The following TBX5 variants were observed in gnomAD, a reference collection of about 807,000 sequenced individuals.
The protein encoded by TBX5 is T-box transcription factor 5.
A neutral mutation model predicts 51.1 loss-of-function variants in TBX5; 8 were observed. The ratio of observed to expected loss-of-function variants is 0.16; its 90% confidence interval spans 0.09 to 0.28. The LOEUF is 0.28. TBX5 is among the 10% of genes least tolerant of loss of function. The pLI, the probability that TBX5 is intolerant of heterozygous loss-of-function variation, is 1.00. For synonymous variants in TBX5, 302 were observed against 266.4 expected, an observed-to-expected ratio of 1.13 and a Z score of -1.30; for missense variants, 589 against 671.7, an observed-to-expected ratio of 0.88 and a Z score of 1.36.
At chr12:114,360,909 A>T (rs930798137) in intron 8 of TBX5, among the ~76,000 whole-genome samples, 1 of 152,216 alleles carries the variant, frequency 6.6e-6, no homozygotes, top group African/African-American at 2.4e-5. Flanking sequence ...AGAAATCAAA[A>T]GACTCAGTTT....
intron 7 of TBX5, among the ~76,000 whole-genome samples, chr12:114,370,597 A>G (rs1218935481): frequency 6.6e-6 from 1 of 151,888 alleles, no homozygotes; most frequent in East Asian, 1.9e-4. Context: ...CAGTGTCCTC[A>G]CATGCCAGGC....
intron 7 of TBX5, among the ~76,000 whole-genome samples, chr12:114,373,350 T>C (rs1870019914): frequency 6.6e-6 from 1 of 152,204 alleles, no homozygotes; most frequent in Non-Finnish European, 1.5e-5. Context: ...ACAGGGCAGG[T>C]GTGGATTCTG....
At chr12:114,397,779 A>G (rs915697625) in intron 5 of TBX5, among the ~76,000 whole-genome samples, 1 of 145,120 alleles carries the variant, frequency 6.9e-6, no homozygotes, top group African/African-American at 2.9e-5. Context: ...TGGTTGTTGG[A>G]AAAAAAACAG....
chr12:114,382,627 G>A (rs904829985), intron 7 of TBX5, among the ~76,000 whole-genome samples: 3 of 152,000 alleles, frequency 2.0e-5, no homozygotes, highest in East Asian at 3.9e-4. Flanking sequence ...GGTGAACTCC[G>A]TCTCTACTAA....
At chr12:114,388,640 C>T (rs1014945973) in intron 6 of TBX5, among the ~76,000 whole-genome samples, 4 of 151,038 alleles carry the variant, frequency 2.6e-5, no homozygotes. Context: ...ACTATTCCTA[C>T]CCTAAAGTTT....
At chr12:114,380,848 A>AT (rs1870466910) in intron 7 of TBX5, among the ~76,000 whole-genome samples, 1 of 93,136 alleles carries the variant, frequency 1.1e-5, no homozygotes, top group South Asian at 4.1e-4. Context: ...AATAGTTTTT[A>AT]TTAAAAAAAA....
intron 8 of TBX5, among the ~76,000 whole-genome samples, chr12:114,357,510 A>G (rs1404787181): frequency 2.0e-5 from 3 of 152,202 alleles, no homozygotes; most frequent in African/African-American, 7.2e-5. Context: ...GAGACTCATC[A>G]TCATCTCTGA....
chr12:114,372,409 G>T (rs1419361349), intron 7 of TBX5, among the ~76,000 whole-genome samples: 2 of 151,952 alleles, frequency 1.3e-5, no homozygotes, highest in Non-Finnish European at 2.9e-5. Flanking sequence ...GGCTCAAGGG[G>T]TCCTCCTGCT....
chr12:114,356,985 T>G (rs994758112), intron 8 of TBX5, among the ~76,000 whole-genome samples: 7 of 139,110 alleles, frequency 5.0e-5, no homozygotes, highest in Non-Finnish European at 9.3e-5. Context: ...CAATAAATAT[T>G]TGTACGATGG....
chr12:114,402,971 A>G (rs899533138), intron 2 of TBX5, among the ~76,000 whole-genome samples: 2 of 152,212 alleles, frequency 1.3e-5, no homozygotes, highest in Non-Finnish European at 2.9e-5. Context: ...AGCCATGTGT[A>G]AGTGTCTCTT....
rs118190621 is a variant in TBX5 at position 114,362,491 on chromosome 12, G to A, written c.982+3674C>T. Among the ~76,000 whole-genome samples, 508 of 152,070 alleles carry A rather than the reference G, an allele frequency of 3.3e-3. 1 individual carries two copies. The highest frequency in any genetic ancestry group is 0.01 in the Middle Eastern group (3 of 292). ...CCCTCAGCCAAGGGGCTTCATGCAT[G>A]CTTTCCTCTATGTGTGGATACCCTC... On this transcript the variant is annotated intron_variant, in intron 8 of 8. Coordinates refer to ENST00000405440, the MANE Select transcript of TBX5 (RefSeq NM_181486.4).
chr12:114,371,888 G>C (rs80343969), intron 7 of TBX5, among the ~76,000 whole-genome samples: 2,364 of 152,086 alleles, frequency 0.016, 51 homozygotes, highest in African/African-American at 0.054. Flanking sequence ...GCTGGATTTC[G>C]CCTAGTGCAA....
At chr12:114,389,753 CAAAAAAAAAAAAAAAAAAAA>C (rs55649814) in intron 6 of TBX5, among the ~76,000 whole-genome samples, 3 of 40,274 alleles carry the variant, frequency 7.4e-5, no homozygotes, top group Admixed American at 3.9e-4. Context: ...GACTCCGTCT[CAAAAAAAAAAAAAAAAAAAA>C]AAAAAAAAAA....
chr12:114,403,114 C>A (rs1373140189), intron 2 of TBX5, among the ~76,000 whole-genome samples: 1 of 152,270 alleles, frequency 6.6e-6, no homozygotes, highest in Admixed American at 6.5e-5. Context: ...CCTCCCTCTG[C>A]CTGGGCCCAG....
In TBX5 at chr12:114,355,182, A is replaced by G. The variant is rs1033459293; in HGVS notation, c.*350T>C. On this transcript the variant is annotated 3_prime_UTR_variant, in exon 9 of 9. Transcript: ENST00000405440. ...AACTACGCACTAGGGAAAAACACTC[A>G]ATGAGGCAAGACTTTCTAGAGCCCA... is the stretch of plus-strand genomic sequence containing the variant. 2.1e-5 allele frequency: 8 copies of G among 382,616 alleles called. No individual in the cohort carries two copies. Among genetic ancestry groups the G allele is most frequent in the Non-Finnish European group, 4.0e-5 (8 of 199,394 alleles). The allele number at this position is 382,616 out of a possible 1,614,324, so 23.7% of individuals were successfully genotyped here. A position where few individuals can be genotyped will look rare whatever the true frequency, so the allele number is the denominator to read the frequency against.
intron 1 of TBX5, among the ~76,000 whole-genome samples, chr12:114,405,175 G>A (rs1872126655): frequency 6.6e-6 from 1 of 152,212 alleles, no homozygotes; most frequent in South Asian, 2.1e-4. Context: ...TGGGGCCGAG[G>A]AGAAGGACAG....
At chr12:114,380,971 C>A (rs1000794733) in intron 7 of TBX5, among the ~76,000 whole-genome samples, 6 of 152,054 alleles carry the variant, frequency 3.9e-5, no homozygotes, top group African/African-American at 1.2e-4. Context: ...ACTTGGCACA[C>A]CCTTTAATTG....
At chr12:114,357,385 G>A (rs940064208) in intron 8 of TBX5, among the ~76,000 whole-genome samples, 5 of 152,142 alleles carry the variant, frequency 3.3e-5, no homozygotes, top group African/African-American at 1.2e-4. Flanking sequence ...AATTTCAGGG[G>A]GTTCAAAGAC....
chr12:114,365,974 T>C, intron 8 of TBX5, 191 bp downstream of exon 8: 1 of 693,408 alleles, frequency 1.4e-6, no homozygotes, highest in Non-Finnish European at 2.6e-6. Flanking sequence ...GAACTGGGGG[T>C]AGGAACATGT....
Sources: allele counts gnomAD v4.1 joint callset (sites outside exome capture counted in the v4.1 genomes callset), GRCh38; gene constraint gnomAD v4.1.1; transcripts MANE v1.5; gene names NCBI Gene and HGNC (gene_info 2026-07-23, HGNC 2026-07-21).